Variants in NLGN4X observed in about 807,000 individuals in gnomAD.
The protein encoded by NLGN4X is neuroligin 4 X-linked, also known as neuroligin-4, X-linked.
NLGN4X carries 3 observed loss-of-function variants against 40.3 expected under a neutral mutation model. The ratio of observed to expected loss-of-function variants is 0.07; its 90% CI spans 0.03 to 0.19. NLGN4X has a LOEUF of 0.19. Ranked by LOEUF, NLGN4X falls within the 10% of genes least tolerant of loss-of-function variation. The pLI is 1.00. For missense variants in NLGN4X, 382 were observed against 708.3 expected (o/e 0.54, Z 5.23); for synonymous variants, 270 against 306.8 (o/e 0.88, Z 1.25).
chrX:6,214,834 T>C (rs187215283), intron 1 of NLGN4X, among the ~76,000 whole-genome samples: 1 of 112,365 alleles, frequency 8.9e-6, no homozygotes, highest in Admixed American at 9.4e-5. Flanking sequence ...TTAACAATGC[T>C]TGAGACACAG....
chrX:6,112,049 T>C (rs934957561), intron 2 of NLGN4X, among the ~76,000 whole-genome samples: 2 of 112,026 alleles, frequency 1.8e-5, no homozygotes, highest in Admixed American at 9.5e-5. Flanking sequence ...TGCTAAAATG[T>C]CAAATATAAT....
intron 2 of NLGN4X, among the ~76,000 whole-genome samples, chrX:6,116,954 C>G (rs994826993): frequency 9.0e-6 from 1 of 111,628 alleles, no homozygotes; most frequent in Non-Finnish European, 1.9e-5. Context: ...GTAGTAGATA[C>G]GATTTTGGTT....
chrX:6,036,595 C>CTGT (rs2037010845), intron 2 of NLGN4X, among the ~76,000 whole-genome samples: 2 of 88,497 alleles, frequency 2.3e-5, no homozygotes, highest in Non-Finnish European at 4.4e-5. Context: ...AGAATAAACC[C>CTGT]AGCTTGTGGC....
chrX:6,090,343 A>G (rs1330401209), intron 2 of NLGN4X, among the ~76,000 whole-genome samples: 2 of 111,130 alleles, frequency 1.8e-5, no homozygotes, highest in African/African-American at 6.5e-5. Flanking sequence ...CAGTGTCAGT[A>G]TTGCATACCT....
chrX:6,015,976 T>G (rs748785579), intron 3 of NLGN4X, among the ~76,000 whole-genome samples: 1 of 112,107 alleles, frequency 8.9e-6, no homozygotes, highest in East Asian at 2.8e-4. Flanking sequence ...ATGGGAGTGT[T>G]TGTGAATCCC....
At chrX:6,227,479 G>C (rs932174909) in intron 1 of NLGN4X, among the ~76,000 whole-genome samples, 6 of 109,174 alleles carry the variant, frequency 5.5e-5, no homozygotes, top group African/African-American at 1.0e-4. Flanking sequence ...GGGCAGTTCA[G>C]AGATGGTTCC....
chrX:6,224,666 C>A (rs901108348), intron 1 of NLGN4X, among the ~76,000 whole-genome samples: 1 of 110,358 alleles, frequency 9.1e-6, no homozygotes, highest in African/African-American at 3.3e-5. Context: ...CTGTTACATT[C>A]TCAGGTTTGG....
At chrX:5,949,728 C>T (rs2034245836) in intron 3 of NLGN4X, among the ~76,000 whole-genome samples, 1 of 111,930 alleles carries the variant, frequency 8.9e-6, no homozygotes, top group Admixed American at 9.5e-5. Context: ...CTTGCAGGTG[C>T]AATTGTTCAC....
At position 5,988,823 on chromosome X, in the gene NLGN4X, G is replaced by T. The variant is rs770070517; in HGVS notation, c.625+40457C>A. On this transcript the variant is annotated intron_variant, in intron 3 of 5. Transcript: ENST00000381095. ...CTCCCGCCTGTAATCCCAGCACTTT[G>T]GGAGGCCAAGGCGGGCAGAACACTT... Among the ~76,000 whole-genome samples, 3 of 112,207 alleles carry T rather than the reference G, an allele frequency of 2.7e-5. No individual in the cohort carries two copies. The East Asian group carries it at 8.4e-4, about 32-fold the overall frequency.
At chrX:5,905,854 G>A (rs1225203215) in intron 4 of NLGN4X, among the ~76,000 whole-genome samples, 3 of 111,162 alleles carry the variant, frequency 2.7e-5, no homozygotes, top group Non-Finnish European at 3.8e-5. Flanking sequence ...ACGGGGTTTC[G>A]CCATGTTGTT....
Position 6,222,520 on chromosome X carries a change from G to A in NLGN4X, c.-306+6021C>T, listed in dbSNP as rs370623248. ...CCAGAGAGCAGTGAAAGCCTAGATC[G>A]TTTCATTAGCACTATACTGAAATTA... On this transcript the variant is annotated intron_variant, in intron 1 of 5. Transcript: ENST00000381095. Among the ~76,000 whole-genome samples the A allele has an allele frequency of 2.8e-4, 31 of 112,444 alleles. No individual in the cohort carries two copies. In the East Asian group the frequency reaches 7.9e-3, roughly 29 times the overall value.
chrX:6,078,419 G>C (rs2038260028), intron 2 of NLGN4X, among the ~76,000 whole-genome samples: 1 of 111,224 alleles, frequency 9.0e-6, no homozygotes, highest in African/African-American at 3.3e-5. Context: ...ATGGGTAGTG[G>C]GGGGGTCTTC....
At chrX:6,120,153 A>G (rs2039391407) in intron 2 of NLGN4X, among the ~76,000 whole-genome samples, 1 of 111,100 alleles carries the variant, frequency 9.0e-6, no homozygotes, top group Non-Finnish European at 1.9e-5. Flanking sequence ...CAGCCTGGGC[A>G]ATTCTGATTT....
chrX:5,979,176 A>G (rs2147057060), intron 3 of NLGN4X, among the ~76,000 whole-genome samples: 1 of 111,239 alleles, frequency 9.0e-6, no homozygotes, highest in East Asian at 2.8e-4. Context: ...GCGAAGTAAC[A>G]GAATTACGGT....
chrX:6,146,434 T>C (rs1019984018), intron 2 of NLGN4X, among the ~76,000 whole-genome samples: 6 of 112,064 alleles, frequency 5.4e-5, no homozygotes, highest in Non-Finnish European at 1.1e-4. Context: ...CTAACTAGGA[T>C]GCTCTGGCTT....
intron 1 of NLGN4X, among the ~76,000 whole-genome samples, chrX:6,154,362 A>G (rs1219631533): frequency 1.8e-5 from 2 of 112,100 alleles, no homozygotes; most frequent in African/African-American, 6.5e-5. Flanking sequence ...AAATATAGTC[A>G]TATTCAAAAA....
At chrX:5,988,391 T>C (rs955867044) in intron 3 of NLGN4X, among the ~76,000 whole-genome samples, 1 of 112,390 alleles carries the variant, frequency 8.9e-6, no homozygotes, top group African/African-American at 3.2e-5. Flanking sequence ...TACCTATTTA[T>C]CTAGCCACAT....
chrX:5,993,632 A>G (rs186854137), intron 3 of NLGN4X, among the ~76,000 whole-genome samples: 2 of 112,439 alleles, frequency 1.8e-5, no homozygotes, highest in Non-Finnish European at 3.8e-5. Flanking sequence ...TGGCCACACC[A>G]TACTTGGCCC....
chrX:5,994,796 T>A (rs949455796), intron 3 of NLGN4X, among the ~76,000 whole-genome samples: 1 of 112,193 alleles, frequency 8.9e-6, no homozygotes, highest in Non-Finnish European at 1.9e-5. Flanking sequence ...AGAAGGATAT[T>A]CAATATGGCA....
Sources: gnomAD v4.1 joint callset for allele counts (sites outside exome capture counted in the v4.1 genomes callset) on GRCh38, gnomAD v4.1.1 for gene constraint, MANE v1.5 for transcripts, NCBI Gene and HGNC (gene_info 2026-07-23, HGNC 2026-07-21) for gene names.